Variants in NPAT observed in about 807,000 individuals in gnomAD.
NPAT encodes the protein nuclear protein, coactivator of histone transcription, also known as protein NPAT.
NPAT carries 52 observed loss-of-function variants against 130.7 expected under a neutral mutation model. That is an observed-to-expected ratio of 0.40 (90% CI 0.32 to 0.50). The LOEUF is 0.50. NPAT is among the 20% of genes least tolerant of loss of function. NPAT has a pLI of 0.68. For missense variants in NPAT, 1,687 were observed against 1,662.6 expected (o/e 1.01, Z -0.26); for synonymous variants, 580 against 584.8 (o/e 0.99, Z 0.12).
At chr11:108,198,054 C>G (rs1222971374) in intron 1 of NPAT, among the ~76,000 whole-genome samples, 1 of 152,172 alleles carries the variant, frequency 6.6e-6, no homozygotes, top group Admixed American at 6.5e-5. Flanking sequence ...CACACAGACC[C>G]CCTTGGCAAA....
chr11:108,189,721 T>C (rs539834626), intron 5 of NPAT, among the ~76,000 whole-genome samples: 86 of 150,274 alleles, frequency 5.7e-4, no homozygotes, highest in Admixed American at 1.6e-3. Context: ...ATACAAAAAA[T>C]TAGCCGGGCG....
intron 15 of NPAT, among the ~76,000 whole-genome samples, chr11:108,166,061 G>A (rs951644956): frequency 6.6e-6 from 1 of 152,068 alleles, no homozygotes; most frequent in South Asian, 2.1e-4. Flanking sequence ...GGAATTATAG[G>A]AGTGGAGCCA....
At position 108,197,298 on chromosome 11, in the gene NPAT, TCAC is replaced by T; in HGVS notation, c.156+1_156+3del. On this transcript the variant is annotated splice_donor_variant and splice_donor_region_variant and intron_variant, in intron 2 of 17. Transcript: ENST00000278612. LOFTEE classifies it high-confidence loss of function. ...ATATTTCCCTTAAGGAACAAATAAC[TCAC>T]CAGTAAGCAGGCTGGAATAAACCCT... 1 of 1,525,506 alleles carries T rather than the reference TCAC, an allele frequency of 6.6e-7. No homozygotes were observed. The highest frequency in any genetic ancestry group is 9.1e-7 in the Non-Finnish European group (1 of 1,099,486). The allele number at this position is 1,525,506 out of a possible 1,614,324, so 94.5% of individuals were successfully genotyped here.
intron 13 of NPAT, chr11:108,171,981 A>G: frequency 1.8e-6 from 1 of 560,504 alleles, no homozygotes; most frequent in Non-Finnish European, 3.2e-6. Flanking sequence ...TGAAAAGAAA[A>G]AAGAAAAACC....
In NPAT at chr11:108,185,361, T is replaced by G. The variant is rs535388388; in HGVS notation, c.818+42A>C. On this transcript the variant is annotated intron_variant, in intron 9 of 17. Transcript: ENST00000278612. ...AAAAATCTTTATTATAGTTATGCAATTAGGCAAAAACAATTAGGCATTTTA... is the reference window on the plus strand; with the variant it reads ...AAAAATCTTTATTATAGTTATGCAAGTAGGCAAAAACAATTAGGCATTTTA... The G allele has an allele frequency of 2.0e-5, 31 of 1,579,836 alleles. No homozygotes were observed. In the South Asian group the frequency reaches 3.4e-4, roughly 17 times the overall value.
chr11:108,218,737 T>A (rs1301855288), intron 1 of NPAT, among the ~76,000 whole-genome samples: 2 of 152,206 alleles, frequency 1.3e-5, no homozygotes, highest in African/African-American at 4.8e-5. Flanking sequence ...GAAGGATGGT[T>A]GGGAATCCCA....
intron 1 of NPAT, among the ~76,000 whole-genome samples, chr11:108,220,605 C>T (rs1456501617): frequency 6.6e-6 from 1 of 151,894 alleles, no homozygotes; most frequent in Non-Finnish European, 1.5e-5. Context: ...CGAGGGGGTA[C>T]TGATAGGAAA....
At chr11:108,190,045 C>T (rs1218610818) in intron 5 of NPAT, among the ~76,000 whole-genome samples, 2 of 151,854 alleles carry the variant, frequency 1.3e-5, no homozygotes, top group African/African-American at 4.8e-5. Flanking sequence ...GGTGCGGTGG[C>T]TCACGCCTGT....
At chr11:108,217,164 A>G (rs977006508) in intron 1 of NPAT, among the ~76,000 whole-genome samples, 2 of 152,060 alleles carry the variant, frequency 1.3e-5, no homozygotes, top group Non-Finnish European at 2.9e-5. Flanking sequence ...TTACAGTGTG[A>G]GCATGAGTGA....
At chr11:108,220,171 T>C (rs959818744) in intron 1 of NPAT, among the ~76,000 whole-genome samples, 11 of 152,352 alleles carry the variant, frequency 7.2e-5, no homozygotes, top group Admixed American at 6.5e-4. Context: ...AACACTTTGA[T>C]GTATTCTGGC....
At chr11:108,189,653 G>A (rs369060118) in intron 5 of NPAT, among the ~76,000 whole-genome samples, 1 of 151,684 alleles carries the variant, frequency 6.6e-6, no homozygotes, top group Non-Finnish European at 1.5e-5. Flanking sequence ...GGCGGATCAC[G>A]AGGTCAGGAG....
intron 15 of NPAT, among the ~76,000 whole-genome samples, chr11:108,164,114 A>G (rs2077878779): frequency 6.6e-6 from 1 of 152,246 alleles, no homozygotes; most frequent in Non-Finnish European, 1.5e-5. Context: ...GATGATCAGA[A>G]AGTGAAGTTT....
chr11:108,189,095 T>C lies in NPAT; in HGVS notation c.556+11A>G, dbSNP rs748138135. 3 of 1,602,438 alleles carry C rather than the reference T, an allele frequency of 1.9e-6. No homozygotes were observed. The highest frequency in any genetic ancestry group is 1.7e-5 in the Admixed American group (1 of 59,970). ...AACAACAAAATTTAAGAGAACAAAA[T>C]GTAAACTTACTGGTTACAGTATCTT... is the stretch of plus-strand genomic sequence containing the variant. On this transcript the variant is annotated intron_variant, in intron 6 of 17. Coordinates refer to ENST00000278612, the MANE Select transcript of NPAT (RefSeq NM_002519.3).
At chr11:108,197,066 G>A (rs528719718) in intron 2 of NPAT, among the ~76,000 whole-genome samples, 7 of 152,292 alleles carry the variant, frequency 4.6e-5, no homozygotes, top group South Asian at 4.1e-4. Context: ...AATCAGAAAC[G>A]AGGGTGTCAT....
Position 108,172,382 on chromosome 11 carries a change from T to A in NPAT, c.2602A>T (p.Ile868Leu). 3 of 1,614,228 alleles carry A rather than the reference T, an allele frequency of 1.9e-6. No homozygotes were observed. Among genetic ancestry groups the A allele is most frequent in the Non-Finnish European group, 2.5e-6 (3 of 1,180,042 alleles). ...GTTGGATCAGTCACACAGGTAGCTA[T>A]CAGAATGTTATTTGAATTGCCAAAA... Reference protein sequence around the residue: ...TAFGNSNNILIATCVTDPTAL... With the variant: ...TAFGNSNNILLATCVTDPTAL... Residue 868 changes from isoleucine (I) to leucine (L), a missense_variant, in exon 13 of 18, where the codon ATA (isoleucine) becomes TTA (leucine). Ile to Leu is a conservative substitution (Grantham distance 5, BLOSUM62 2). This residue lies in a region of NPAT where 1,379 missense variants were observed against 1,346.6 expected (regional missense o/e 1.02). Coordinates refer to ENST00000278612, the MANE Select transcript of NPAT (RefSeq NM_002519.3).
intron 1 of NPAT, among the ~76,000 whole-genome samples, chr11:108,211,058 C>T (rs1003116631): frequency 1.8e-4 from 28 of 151,636 alleles, no homozygotes; most frequent in Non-Finnish European, 2.9e-5. Context: ...ATCTCTACTA[C>T]AAATACAAAA....
At chr11:108,196,988 T>C (rs780126550) in intron 2 of NPAT, among the ~76,000 whole-genome samples, 1 of 152,088 alleles carries the variant, frequency 6.6e-6, no homozygotes, top group Non-Finnish European at 1.5e-5. Flanking sequence ...TTTATATTTG[T>C]CTAAAAGGAG....
intron 15 of NPAT, 140 bp downstream of exon 15, chr11:108,169,604 T>C: frequency 4.3e-6 from 3 of 696,718 alleles, no homozygotes; most frequent in Non-Finnish European, 5.1e-6. Context: ...GGCTGCATTA[T>C]GACATCTGTT....
In NPAT at chr11:108,184,241, G is replaced by A. The variant is rs1369097712; in HGVS notation, c.906+991C>T. On this transcript the variant is annotated intron_variant, in intron 10 of 17. Transcript: ENST00000278612. ...TAATCGAGCACTTTGGGAAGCCGAG[G>A]CGGGCAGATAACGAGGTCAGGAGAG... Among the ~76,000 whole-genome samples the A allele has an allele frequency of 2.0e-5, 3 of 152,206 alleles. No homozygotes were observed. In the East Asian group the frequency reaches 5.8e-4, roughly 30 times the overall value.
Sources: gnomAD v4.1 joint callset for allele counts (sites outside exome capture counted in the v4.1 genomes callset) on GRCh38, gnomAD v4.1.1 for gene constraint, gnomAD v4.1.1 regional missense constraint, MANE v1.5 for transcripts, NCBI Gene and HGNC (gene_info 2026-07-23, HGNC 2026-07-21) for gene names.